The following CFAP53 variants were observed in gnomAD, a reference collection of about 807,000 sequenced individuals.
CFAP53 encodes cilia- and flagella-associated protein 53.
In CFAP53, 62 loss-of-function variants were observed where a neutral mutation model predicts 59.7. The ratio of observed to expected loss-of-function variants is 1.04; its 90% CI spans 0.85 to 1.28. The LOEUF (loss-of-function observed/expected upper bound fraction) is 1.28, where lower values mean the gene tolerates loss of function less well. Among genes scored for constraint, CFAP53 ranks in the 50% most tolerant of loss-of-function variants. CFAP53 has a pLI of 0.00. For synonymous variants in CFAP53, 218 were observed against 205.7 expected, an observed-to-expected ratio of 1.06 and a Z score of -0.51; for missense variants, 629 against 615.6, an observed-to-expected ratio of 1.02 and a Z score of -0.23.
At chr18:50,251,882 A>C in intron 3 of CFAP53, 98 bp from the exon 4 acceptor site, 1 of 1,074,346 alleles carries the variant, frequency 9.3e-7, no homozygotes, top group East Asian at 2.4e-5. Flanking sequence ...AGCAAGAAAA[A>C]TCAGAGACCT....
In CFAP53 at chr18:50,251,586, T is replaced by C. The variant is rs748505880; in HGVS notation, c.672A>G (p.Lys224=). The stretch of plus-strand genomic sequence containing the variant: ...CCAGGCGTGTGTTCTCCATCAGCTC[T>C]TTCTGTCTCCTCGCCTCTTGGGCTT... ...KREAQEARRQ[K]ELMENTRLGL... Residue 224 remains lysine (K), a synonymous_variant, in exon 4 of 8, where the codon AAA becomes AAG. Transcript: ENST00000398545. 2 of 1,614,248 alleles carry C rather than the reference T, an allele frequency of 1.2e-6. No individual in the cohort carries two copies. The highest frequency in any genetic ancestry group is 1.7e-5 in the Admixed American group (1 of 60,022).
chr18:50,264,523 G>A (rs571888314), intron 1 of CFAP53, among the ~76,000 whole-genome samples: 4 of 152,302 alleles, frequency 2.6e-5, no homozygotes, highest in Non-Finnish European at 4.4e-5. Context: ...TCCTTTTGAT[G>A]TCCCATTACT....
intron 3 of CFAP53, among the ~76,000 whole-genome samples, chr18:50,254,417 G>A (rs1364252726): frequency 2.0e-5 from 3 of 152,008 alleles, no homozygotes; most frequent in Non-Finnish European, 4.4e-5. Context: ...CCCATGATGA[G>A]ATATCACAGC....
intron 7 of CFAP53, among the ~76,000 whole-genome samples, chr18:50,232,432 C>T (rs981990244): frequency 2.6e-5 from 4 of 152,198 alleles, no homozygotes; most frequent in Admixed American, 2.6e-4. Context: ...CTGTTGGCTG[C>T]TTTACAAGCC....
intron 7 of CFAP53, among the ~76,000 whole-genome samples, chr18:50,236,961 G>A (rs1662903): frequency 0.11 from 17,001 of 151,950 alleles, 1,153 homozygotes; most frequent in African/African-American, 0.19. Flanking sequence ...TAGCAGGGAA[G>A]AGATGTGATA....
At chr18:50,231,426 TCTTTCC>T (rs1320467460) in intron 7 of CFAP53, among the ~76,000 whole-genome samples, 2 of 152,344 alleles carry the variant, frequency 1.3e-5, no homozygotes, top group East Asian at 3.9e-4. Context: ...CTGGCCTCTC[TCTTTCC>T]CTTTCCCAAC....
chr18:50,249,438 A>T (rs556024575), intron 5 of CFAP53, among the ~76,000 whole-genome samples: 2 of 151,800 alleles, frequency 1.3e-5, no homozygotes, highest in South Asian at 4.2e-4. Context: ...GTATCAGTTG[A>T]GCCTGGGAAG....
At chr18:50,266,251 T>TG in intron 1 of CFAP53, 85 bp downstream of exon 1, 1 of 1,302,064 alleles carries the variant, frequency 7.7e-7, no homozygotes, top group Non-Finnish European at 1.1e-6. Context: ...AGGCCCCGGG[T>TG]GGGGGCCGAA....
chr18:50,231,427 C>G (rs552747369), intron 7 of CFAP53, among the ~76,000 whole-genome samples: 1 of 152,210 alleles, frequency 6.6e-6, no homozygotes, highest in African/African-American at 2.4e-5. Flanking sequence ...TGGCCTCTCT[C>G]TTTCCCTTTC....
intron 7 of CFAP53, among the ~76,000 whole-genome samples, chr18:50,230,593 A>C (rs1186033284): frequency 6.6e-6 from 1 of 152,178 alleles, no homozygotes; most frequent in African/African-American, 2.4e-5. Context: ...GAACCTGAGG[A>C]GGAGGTCGTG....
chr18:50,240,919 G>A (rs751530822), intron 6 of CFAP53, among the ~76,000 whole-genome samples: 5 of 152,190 alleles, frequency 3.3e-5, no homozygotes, highest in African/African-American at 4.8e-5. Flanking sequence ...AAATCTGGAG[G>A]TGGAAATTCA....
intron 7 of CFAP53, among the ~76,000 whole-genome samples, chr18:50,229,171 A>G (rs1197016458): frequency 6.6e-6 from 1 of 152,220 alleles, no homozygotes; most frequent in Admixed American, 6.5e-5. Context: ...TCAGTAGTTA[A>G]GTCTCCATAT....
intron 7 of CFAP53, among the ~76,000 whole-genome samples, chr18:50,233,763 A>C (rs2033604801): frequency 6.6e-6 from 1 of 152,266 alleles, no homozygotes; most frequent in Non-Finnish European, 1.5e-5. Flanking sequence ...GGATATGCCC[A>C]TGCGGACAGG....
At chr18:50,238,938 T>C (rs1011507633) in intron 6 of CFAP53, among the ~76,000 whole-genome samples, 12 of 152,038 alleles carry the variant, frequency 7.9e-5, no homozygotes, top group Non-Finnish European at 1.5e-4. Context: ...AAATCTATAA[T>C]TACCCTTTTT....
At chr18:50,244,924 G>T (rs867869516) in intron 5 of CFAP53, among the ~76,000 whole-genome samples, 1 of 151,930 alleles carries the variant, frequency 6.6e-6, no homozygotes, top group Admixed American at 6.6e-5. Flanking sequence ...TTAGCTGGGT[G>T]TGGTGGCACA....
chr18:50,250,887 T>C lies in CFAP53; in HGVS notation c.867A>G (p.Gln289=). Residue 289 remains glutamine, a synonymous_variant, in exon 5 of 8, where the codon CAA becomes CAG. Coordinates refer to ENST00000398545, the MANE Select transcript of CFAP53 (RefSeq NM_145020.5). Reference sequence around the variant, plus strand: ...GTTCTATCCTCTCTTGTAGGGCTTTTTGCAAAATGGTCCTAGTTTCCTGCT... The same window carrying C: ...GTTCTATCCTCTCTTGTAGGGCTTTCTGCAAAATGGTCCTAGTTTCCTGCT... The part of the protein sequence containing the change: ...KAKQETRTIL[Q]KALQERIEHI... The C allele has an allele frequency of 3.7e-6, 6 of 1,614,212 alleles. No homozygotes were observed. Among genetic ancestry groups the C allele is most frequent in the Non-Finnish European group, 5.1e-6 (6 of 1,180,018 alleles).
Position 50,227,955 on chromosome 18 carries a change from C to CTTTTTTTTTTT in CFAP53, c.1317-357_1317-347dup, listed in dbSNP as rs1191228047. Reference sequence around the variant, plus strand: ...CAAACTGCTCAATTCAACTTTTCTCCTTTTTTTTTTTTTTTTTTTTTTGAG... The same window carrying CTTTTTTTTTTT: ...CAAACTGCTCAATTCAACTTTTCTCCTTTTTTTTTTTTTTTTTTTTTTTTTTTTTTTTTGAG... On this transcript the variant is annotated intron_variant, in intron 7 of 7. Transcript: ENST00000398545. Among the ~76,000 whole-genome samples, 86 of 90,088 alleles carry CTTTTTTTTTTT rather than the reference C, an allele frequency of 9.5e-4. 5 individuals carry two copies. Among genetic ancestry groups the CTTTTTTTTTTT allele is most frequent in the South Asian group, 1.4e-3 (3 of 2,108 alleles). The allele number at this position is 90,088 out of a possible 152,430, so 59.1% of individuals were successfully genotyped here.
At chr18:50,240,617 T>C (rs943740072) in intron 6 of CFAP53, among the ~76,000 whole-genome samples, 2 of 152,218 alleles carry the variant, frequency 1.3e-5, no homozygotes, top group African/African-American at 4.8e-5. Flanking sequence ...TGAGAGATCA[T>C]CTCTCTCTGT....
At chr18:50,250,689 T>G in intron 5 of CFAP53, 69 bp downstream of exon 5, 1 of 1,253,118 alleles carries the variant, frequency 8.0e-7, no homozygotes, top group Non-Finnish European at 1.2e-6. Context: ...TGAAGCCATC[T>G]TCCACAAGAC....
Sources: allele counts gnomAD v4.1 joint callset (sites outside exome capture counted in the v4.1 genomes callset), GRCh38; gene constraint gnomAD v4.1.1; transcripts MANE v1.5; gene names NCBI Gene and HGNC (gene_info 2026-07-23, HGNC 2026-07-21).